The following NR6A1 variants were observed in gnomAD, a reference collection of about 807,000 sequenced individuals.
The protein encoded by NR6A1 is nuclear receptor subfamily 6 group A member 1, also known as retinoic acid receptor-related testis-associated receptor.
NR6A1 carries 7 observed loss-of-function variants against 59.1 expected under a neutral mutation model. That is an observed-to-expected ratio of 0.12 (90% CI 0.07 to 0.22). The LOEUF (loss-of-function observed/expected upper bound fraction) is 0.22. Among genes scored for constraint, NR6A1 ranks in the 10% least tolerant of loss-of-function variants. NR6A1 has a pLI of 1.00. For missense variants in NR6A1, 468 were observed against 611.6 expected, an observed-to-expected ratio of 0.77 and a Z score of 2.48; for synonymous variants, 243 against 236.1, an observed-to-expected ratio of 1.03 and a Z score of -0.27.
intron 8 of NR6A1, 67 bp downstream of exon 8, chr9:124,526,712 G>A: frequency 6.3e-7 from 1 of 1,595,910 alleles, no homozygotes; most frequent in Non-Finnish European, 8.6e-7. Flanking sequence ...GGGTGAAACA[G>A]GAGGGCAAAT....
intron 2 of NR6A1, among the ~76,000 whole-genome samples, chr9:124,727,905 G>T (rs372607610): frequency 6.6e-6 from 1 of 152,040 alleles, no homozygotes; most frequent in East Asian, 1.9e-4. Flanking sequence ...GGATGGTCTC[G>T]ATCTCCTGAC....
At chr9:124,539,536 G>A (rs1357973470) in intron 5 of NR6A1, among the ~76,000 whole-genome samples, 1 of 152,162 alleles carries the variant, frequency 6.6e-6, no homozygotes, top group Admixed American at 6.5e-5. Flanking sequence ...TTTCACACTC[G>A]ACAACTAACT....
intron 1 of NR6A1, among the ~76,000 whole-genome samples, chr9:124,734,646 T>C (rs1225875231): frequency 1.3e-5 from 2 of 151,536 alleles, no homozygotes; most frequent in Non-Finnish European, 2.9e-5. Flanking sequence ...TGAGCCGAGA[T>C]TGAACCATTG....
chr9:124,625,867 C>T (rs1836227108), intron 2 of NR6A1, among the ~76,000 whole-genome samples: 1 of 152,204 alleles, frequency 6.6e-6, no homozygotes, highest in South Asian at 2.1e-4. Context: ...CAAGAGAGAA[C>T]TCTCCAGCAG....
intron 1 of NR6A1, among the ~76,000 whole-genome samples, chr9:124,744,545 C>A (rs778195847): frequency 1.3e-5 from 2 of 152,144 alleles, no homozygotes; most frequent in African/African-American, 4.8e-5. Context: ...CTGCAACAGC[C>A]GGATGGATGG....
intron 2 of NR6A1, among the ~76,000 whole-genome samples, chr9:124,658,950 GTTA>G (rs1421081834): frequency 6.6e-6 from 1 of 152,088 alleles, no homozygotes; most frequent in Non-Finnish European, 1.5e-5. Flanking sequence ...TATGAAGTCA[GTTA>G]TTATAAGGAA....
intron 7 of NR6A1, among the ~76,000 whole-genome samples, chr9:124,529,991 T>C (rs1293390513): frequency 6.6e-6 from 1 of 152,120 alleles, no homozygotes; most frequent in Non-Finnish European, 1.5e-5. Context: ...GGTGGCCTAG[T>C]ATGTAGCAAG....
intron 2 of NR6A1, among the ~76,000 whole-genome samples, chr9:124,702,755 G>A (rs1346118825): frequency 6.6e-6 from 1 of 151,948 alleles, no homozygotes; most frequent in Non-Finnish European, 1.5e-5. Context: ...AGCTTCCTGC[G>A]GCCTCATCAG....
intron 2 of NR6A1, among the ~76,000 whole-genome samples, chr9:124,639,787 G>A (rs910140810): frequency 6.6e-6 from 1 of 152,232 alleles, no homozygotes; most frequent in African/African-American, 2.4e-5. Flanking sequence ...TAGCAATGCA[G>A]AGGTCTGTGG....
rs753526302 is a variant in NR6A1 at position 124,554,578 on chromosome 9, T to C, written c.143-8A>G. 1.2e-6 allele frequency: 2 copies of C among 1,614,182 alleles called. No individual in the cohort carries two copies. Among genetic ancestry groups the C allele is most frequent in the Middle Eastern group, 1.6e-4 (1 of 6,062 alleles). On this transcript the variant is annotated splice_polypyrimidine_tract_variant and splice_region_variant and intron_variant, in intron 2 of 9. Coordinates refer to ENST00000487099, the MANE Select transcript of NR6A1 (RefSeq NM_033334.4). ...GATCATCTGAAACAGAAACTGATCA[T>C]GTTCAAGTTAGAACACAGTGGAAAT...
chr9:124,611,774 A>AGAAT (rs1554733165), intron 2 of NR6A1, among the ~76,000 whole-genome samples: 10 of 105,724 alleles, frequency 9.5e-5, no homozygotes, highest in South Asian at 3.3e-4. Context: ...AGAGAGAGAG[A>AGAAT]GAGAGAGAAT....
intron 1 of NR6A1, among the ~76,000 whole-genome samples, chr9:124,758,737 G>A (rs1403730787): frequency 1.3e-5 from 2 of 152,166 alleles, no homozygotes; most frequent in Admixed American, 6.5e-5. Flanking sequence ...GGGTTCTAAA[G>A]CAGAACAGGG....
chr9:124,766,666 T>C (rs946204474), intron 1 of NR6A1, among the ~76,000 whole-genome samples: 1 of 152,106 alleles, frequency 6.6e-6, no homozygotes, highest in Non-Finnish European at 1.5e-5. Context: ...CATGGAAAAA[T>C]ACTGAACAGA....
chr9:124,611,749 TAGAGAGAGAG>T (rs34197337), intron 2 of NR6A1, among the ~76,000 whole-genome samples: 3 of 91,442 alleles, frequency 3.3e-5, no homozygotes, highest in African/African-American at 1.0e-4. Flanking sequence ...GACCCTGTCT[TAGAGAGAGAG>T]AGAGAGAGAG....
At chr9:124,529,180 A>G (rs1833026634) in intron 7 of NR6A1, among the ~76,000 whole-genome samples, 1 of 152,242 alleles carries the variant, frequency 6.6e-6, no homozygotes, top group African/African-American at 2.4e-5. Context: ...TTCATATTGA[A>G]TAACCACAAT....
intron 2 of NR6A1, among the ~76,000 whole-genome samples, chr9:124,595,378 T>C (rs758013380): frequency 6.6e-5 from 10 of 152,204 alleles, no homozygotes; most frequent in Non-Finnish European, 1.2e-4. Context: ...GATAGCGAAC[T>C]GGATTAAGGA....
At chr9:124,654,875 TAC>T (rs3983841) in intron 2 of NR6A1, among the ~76,000 whole-genome samples, 11,030 of 123,812 alleles carry the variant, frequency 0.089, 573 homozygotes, top group Middle Eastern at 0.16. Flanking sequence ...TTTTTTTTTG[TAC>T]ACACACACAC....
intron 2 of NR6A1, among the ~76,000 whole-genome samples, chr9:124,684,347 G>A (rs778392513): frequency 6.6e-6 from 1 of 152,190 alleles, no homozygotes. Flanking sequence ...CACACTGAGT[G>A]TTCACAAGAG....
intron 2 of NR6A1, among the ~76,000 whole-genome samples, chr9:124,584,677 T>C (rs1834872024): frequency 6.6e-6 from 1 of 152,182 alleles, no homozygotes; most frequent in Admixed American, 6.5e-5. Flanking sequence ...GTGTTCTGAC[T>C]GCTCCACTGA....
Sources: gnomAD v4.1 joint callset for allele counts (sites outside exome capture counted in the v4.1 genomes callset) on GRCh38, gnomAD v4.1.1 for gene constraint, MANE v1.5 for transcripts, NCBI Gene and HGNC (gene_info 2026-07-23, HGNC 2026-07-21) for gene names.